Variants in NOSIP observed in about 807,000 individuals in gnomAD.
NOSIP encodes the protein nitric oxide synthase interacting protein.
In NOSIP, 25 loss-of-function variants were observed where a neutral mutation model predicts 36.4. The ratio of observed to expected loss-of-function variants is 0.69; its 90% CI spans 0.50 to 0.96. NOSIP has a LOEUF of 0.96. Among genes scored for constraint, NOSIP ranks in the 40% least tolerant of loss-of-function variants. NOSIP has a pLI of 0.00. For synonymous variants in NOSIP, 187 were observed against 179.2 expected, an observed-to-expected ratio of 1.04 and a Z score of -0.35; for missense variants, 370 against 429.0, an observed-to-expected ratio of 0.86 and a Z score of 1.21.
intron 1 of NOSIP, among the ~76,000 whole-genome samples, chr19:49,572,972 CAAAAA>C (rs5828405): frequency 1.6e-5 from 1 of 60,794 alleles, no homozygotes; most frequent in Non-Finnish European, 3.3e-5. Context: ...GACTGTGTCT[CAAAAA>C]AAAAAAAAAA....
At chr19:49,576,079 G>A (rs1872375634) in intron 1 of NOSIP, among the ~76,000 whole-genome samples, 1 of 152,044 alleles carries the variant, frequency 6.6e-6, no homozygotes, top group Non-Finnish European at 1.5e-5. Context: ...AGCTTGCAGT[G>A]AGCGGAGATC....
At chr19:49,566,004 TTTTC>T (rs1170559676) in intron 1 of NOSIP, among the ~76,000 whole-genome samples, 8 of 151,872 alleles carry the variant, frequency 5.3e-5, no homozygotes, top group Middle Eastern at 3.4e-3. Context: ...TAAATTCTTT[TTTTC>T]TTTCTTTCTT....
chr19:49,571,033 G>C (rs533507798), intron 1 of NOSIP, among the ~76,000 whole-genome samples: 1 of 152,010 alleles, frequency 6.6e-6, no homozygotes, highest in Non-Finnish European at 1.5e-5. Flanking sequence ...CTGGAGTGCA[G>C]TGGTGTGATC....
chr19:49,578,050 C>T (rs2080576972), intron 1 of NOSIP, among the ~76,000 whole-genome samples: 1 of 151,794 alleles, frequency 6.6e-6, no homozygotes, highest in Non-Finnish European at 1.5e-5. Flanking sequence ...TTGCACAACT[C>T]TGTCAACGTA....
intron 1 of NOSIP, among the ~76,000 whole-genome samples, chr19:49,576,651 G>A (rs559712229): frequency 7.9e-5 from 12 of 151,630 alleles, no homozygotes; most frequent in Admixed American, 2.0e-4. Context: ...TTGGGAGGCC[G>A]AGGTGGGCGG....
At chr19:49,578,135 T>G (rs1199091535) in intron 1 of NOSIP, among the ~76,000 whole-genome samples, 2 of 152,140 alleles carry the variant, frequency 1.3e-5, no homozygotes, top group Non-Finnish European at 2.9e-5. Flanking sequence ...TAATGCTTTT[T>G]TTTTTTGAGA....
At chr19:49,575,064 C>T (rs1022867206) in intron 1 of NOSIP, among the ~76,000 whole-genome samples, 12 of 152,056 alleles carry the variant, frequency 7.9e-5, no homozygotes, top group Non-Finnish European at 1.8e-4. Flanking sequence ...GGGGTTTCAC[C>T]ACGTTAGCCA....
At chr19:49,571,612 C>A (rs887023423) in intron 1 of NOSIP, among the ~76,000 whole-genome samples, 7 of 152,114 alleles carry the variant, frequency 4.6e-5, no homozygotes, top group African/African-American at 1.7e-4. Context: ...GGACTCAGAC[C>A]CAGGCAGCCA....
intron 1 of NOSIP, among the ~76,000 whole-genome samples, chr19:49,578,717 G>T (rs2080585160): frequency 6.6e-6 from 1 of 151,538 alleles, no homozygotes; most frequent in African/African-American, 2.4e-5. Context: ...CGTGATCTCG[G>T]CTCACTGCAA....
At chr19:49,578,646 T>C (rs1378641894) in intron 1 of NOSIP, among the ~76,000 whole-genome samples, 1 of 150,166 alleles carries the variant, frequency 6.7e-6, no homozygotes, top group African/African-American at 2.5e-5. Context: ...TCTCTATCTA[T>C]TTTTTCTTTT....
chr19:49,560,371 T>C lies in NOSIP; in HGVS notation c.70+251A>G, dbSNP rs1215872555. ...GGCCTCAGTTTCTTCCTCTGGAACA[T>C]GGGGTAACAAGAGCACCCTCCCTGA... On this transcript the variant is annotated intron_variant, in intron 2 of 8. Transcript: ENST00000596358. This position sits in a 1 kb window ranked among gnomAD's most constrained non-coding sequence, Gnocchi z 4.6. 1.7e-6 allele frequency: 1 copy of C among 579,002 alleles called. No individual in the cohort carries two copies. Among genetic ancestry groups the C allele is most frequent in the African/African-American group, 1.9e-5 (1 of 53,368 alleles). 35.9% of individuals were successfully genotyped at this position (579,002 alleles called of 1,614,324 possible).
chr19:49,571,229 G>A (rs1159957170), intron 1 of NOSIP, among the ~76,000 whole-genome samples: 2 of 148,636 alleles, frequency 1.3e-5, no homozygotes, highest in Non-Finnish European at 3.0e-5. Context: ...CAAGTGATCC[G>A]CCCACCTCAG....
intron 1 of NOSIP, among the ~76,000 whole-genome samples, chr19:49,569,850 T>G (rs2122153799): frequency 6.8e-6 from 1 of 148,068 alleles, no homozygotes; most frequent in Non-Finnish European, 1.5e-5. Flanking sequence ...AAAGAACACT[T>G]GCAGGTGGGG....
At position 49,555,723 on chromosome 19, in the gene NOSIP, G is replaced by T; in HGVS notation, c.*28C>A. The T allele has an allele frequency of 6.2e-7, 1 of 1,603,464 alleles. No individual in the cohort carries two copies. Among genetic ancestry groups the T allele is most frequent in the Non-Finnish European group, 8.5e-7 (1 of 1,171,252 alleles). On this transcript the variant is annotated 3_prime_UTR_variant, in exon 9 of 9. Transcript: ENST00000596358. ...AGGCGCCACGTCGTTGCGCACCCAA[G>T]CCGGTTTATTTGGTCTCCCGCACAC...
chr19:49,567,411 G>A (rs527902187), intron 1 of NOSIP, among the ~76,000 whole-genome samples: 16 of 152,128 alleles, frequency 1.1e-4, no homozygotes, highest in African/African-American at 3.9e-4. Context: ...GTGAGCCACC[G>A]TGCCCGGCCC....
Position 49,560,810 on chromosome 19 carries a change from G to T in NOSIP, c.-1-118C>A, listed in dbSNP as rs1228037991. ...TTGATGGGAAAGCGGAGGCGGAGAA[G>T]GGGGGTGAGGTGGAAGAGAGGGAGG... On this transcript the variant is annotated intron_variant, in intron 1 of 8. Transcript: ENST00000596358. This position sits in a 1 kb window ranked among gnomAD's most constrained non-coding sequence, Gnocchi z 4.6. 16 of 785,748 alleles carry T rather than the reference G, an allele frequency of 2.0e-5. No homozygotes were observed. Among genetic ancestry groups the T allele is most frequent in the Non-Finnish European group, 3.4e-5 (16 of 469,060 alleles). The allele number at this position is 785,748 out of a possible 1,614,324, so 48.7% of individuals were successfully genotyped here.
At chr19:49,561,172 ACTTAGCTAAGGCTTGACC>A (rs2080329088) in intron 1 of NOSIP, among the ~76,000 whole-genome samples, 1 of 152,128 alleles carries the variant, frequency 6.6e-6, no homozygotes. Context: ...AAGGCTTGAC[ACTTAGCTAAGGCTTGACC>A]CAATCGCTGC....
At chr19:49,557,543 C>T (rs1019413316) in intron 4 of NOSIP, 3 of 1,239,356 alleles carry the variant, frequency 2.4e-6, no homozygotes, top group East Asian at 3.1e-5. Context: ...CCCACCTCAG[C>T]GGCTCACTGA....
intron 1 of NOSIP, among the ~76,000 whole-genome samples, chr19:49,561,742 C>T (rs376513824): frequency 6.1e-4 from 92 of 152,054 alleles, no homozygotes; most frequent in African/African-American, 2.0e-3. Flanking sequence ...ATTAGCTGGG[C>T]GTGGTGGCAC....
Sources: allele counts gnomAD v4.1 joint callset (sites outside exome capture counted in the v4.1 genomes callset), GRCh38; gene constraint gnomAD v4.1.1; non-coding constraint Gnocchi (gnomAD v3.1); transcripts MANE v1.5; gene names NCBI Gene and HGNC (gene_info 2026-07-23, HGNC 2026-07-21).